BMP6: variants seen among roughly 807,000 people sequenced by gnomAD.
The protein encoded by BMP6 is bone morphogenetic protein 6.
A neutral mutation model predicts 54.1 loss-of-function variants in BMP6; 17 were observed. The observed-to-expected ratio is 0.31, with a 90% CI of 0.22 to 0.47. The LOEUF (loss-of-function observed/expected upper bound fraction) is 0.47. Among genes scored for constraint, BMP6 ranks in the 20% least tolerant of loss-of-function variants. BMP6 has a pLI of 1.00. For missense variants in BMP6, 720 were observed against 690.4 expected, an observed-to-expected ratio of 1.04 and a Z score of -0.48; for synonymous variants, 328 against 291.2, an observed-to-expected ratio of 1.13 and a Z score of -1.28.
intron 1 of BMP6, among the ~76,000 whole-genome samples, chr6:7,753,611 G>A (rs1757458997): frequency 6.6e-6 from 1 of 152,150 alleles, no homozygotes; most frequent in Non-Finnish European, 1.5e-5. Flanking sequence ...GGGGAGGTAA[G>A]GTAAAGGAGA....
chr6:7,854,343 TA>T (rs1469276165), intron 2 of BMP6, among the ~76,000 whole-genome samples: 3 of 151,172 alleles, frequency 2.0e-5, no homozygotes, highest in African/African-American at 7.3e-5. Flanking sequence ...AAACTAAAAA[TA>T]AAAAACTTTT....
chr6:7,853,990 A>G (rs776250110), intron 2 of BMP6, among the ~76,000 whole-genome samples: 41 of 152,192 alleles, frequency 2.7e-4, no homozygotes, highest in Non-Finnish European at 2.8e-4. Flanking sequence ...CACAGGGTAG[A>G]AGAGAATGTT....
At chr6:7,812,010 T>C (rs1581258135) in intron 1 of BMP6, among the ~76,000 whole-genome samples, 1 of 152,188 alleles carries the variant, frequency 6.6e-6, no homozygotes, top group Non-Finnish European at 1.5e-5. Flanking sequence ...CATAGGCAGG[T>C]GTTCAAATGG....
chr6:7,728,817 C>A (rs765915496), intron 1 of BMP6, among the ~76,000 whole-genome samples: 14 of 152,176 alleles, frequency 9.2e-5, no homozygotes, highest in Non-Finnish European at 2.1e-4. Flanking sequence ...CACGGGTCTC[C>A]CAGCCACGTC....
At chr6:7,866,654 G>T (rs1759428897) in intron 4 of BMP6, among the ~76,000 whole-genome samples, 2 of 152,240 alleles carry the variant, frequency 1.3e-5, no homozygotes, top group African/African-American at 4.8e-5. Flanking sequence ...TGCTGCTGCT[G>T]TGAGGCAGAA....
chr6:7,762,176 C>T (rs777598439), intron 1 of BMP6, among the ~76,000 whole-genome samples: 2 of 152,182 alleles, frequency 1.3e-5, no homozygotes, highest in Non-Finnish European at 2.9e-5. Context: ...CCTACCTCAG[C>T]CTCCCAAAGT....
At chr6:7,741,933 C>T (rs143106217) in intron 1 of BMP6, among the ~76,000 whole-genome samples, 1 of 152,246 alleles carries the variant, frequency 6.6e-6, no homozygotes, top group Non-Finnish European at 1.5e-5. Context: ...CCTCCTCCCC[C>T]CAAGTGCCTA....
intron 1 of BMP6, among the ~76,000 whole-genome samples, chr6:7,822,440 C>T (rs1310668385): frequency 6.6e-6 from 1 of 152,174 alleles, no homozygotes; most frequent in East Asian, 1.9e-4. Flanking sequence ...CCCTGAAAAT[C>T]TTCTTTCCCC....
chr6:7,742,059 C>A (rs994439913), intron 1 of BMP6, among the ~76,000 whole-genome samples: 2 of 152,158 alleles, frequency 1.3e-5, no homozygotes, highest in Non-Finnish European at 2.9e-5. Flanking sequence ...CAAATAACAT[C>A]AAGCATTTGA....
At chr6:7,749,272 G>A (rs1486506060) in intron 1 of BMP6, among the ~76,000 whole-genome samples, 1 of 152,134 alleles carries the variant, frequency 6.6e-6, no homozygotes, top group Admixed American at 6.5e-5. Flanking sequence ...TTTATCTTAT[G>A]AATATTGAGA....
chr6:7,803,691 C>T (rs1346037363), intron 1 of BMP6, among the ~76,000 whole-genome samples: 2 of 152,126 alleles, frequency 1.3e-5, no homozygotes, highest in East Asian at 3.8e-4. Context: ...TCTCTGCCAG[C>T]CCTTTGTAAC....
At chr6:7,831,603 T>A (rs1758795020) in intron 1 of BMP6, among the ~76,000 whole-genome samples, 1 of 152,184 alleles carries the variant, frequency 6.6e-6, no homozygotes, top group Admixed American at 6.5e-5. Flanking sequence ...ATTGAAGTAA[T>A]TTGAGTAGAT....
At chr6:7,840,552 A>G (rs986232453) in intron 1 of BMP6, among the ~76,000 whole-genome samples, 1 of 152,150 alleles carries the variant, frequency 6.6e-6, no homozygotes, top group Admixed American at 6.5e-5. Flanking sequence ...GACAGGTGAG[A>G]AATTTCCACT....
At chr6:7,798,330 C>G (rs1158659388) in intron 1 of BMP6, among the ~76,000 whole-genome samples, 2 of 152,172 alleles carry the variant, frequency 1.3e-5, no homozygotes, top group African/African-American at 4.8e-5. Flanking sequence ...CAGCGGGGAC[C>G]ACAGGGATGG....
At chr6:7,820,134 G>A (rs1270008718) in intron 1 of BMP6, among the ~76,000 whole-genome samples, 2 of 152,174 alleles carry the variant, frequency 1.3e-5, no homozygotes, top group East Asian at 3.8e-4. Flanking sequence ...CCATCATCCA[G>A]CTAACTACAA....
chr6:7,811,010 T>C (rs1352497556), intron 1 of BMP6, among the ~76,000 whole-genome samples: 1 of 152,184 alleles, frequency 6.6e-6, no homozygotes, highest in East Asian at 1.9e-4. Context: ...TAGGGCCTGA[T>C]AGGTACCCCC....
At chr6:7,727,678 C>A in intron 1 of BMP6, 59 bp downstream of exon 1, 1 of 1,442,932 alleles carries the variant, frequency 6.9e-7, no homozygotes, top group East Asian at 2.6e-5. Flanking sequence ...TGTCCCGGGC[C>A]CAGGGGATGG....
At chr6:7,782,198 C>G (rs1263222594) in intron 1 of BMP6, among the ~76,000 whole-genome samples, 2 of 143,262 alleles carry the variant, frequency 1.4e-5, no homozygotes, top group African/African-American at 4.9e-5. Context: ...GCTTGCCAAC[C>G]TGGAAGGGAG....
intron 2 of BMP6, among the ~76,000 whole-genome samples, chr6:7,849,557 C>G (rs189198796): frequency 6.6e-6 from 1 of 152,124 alleles, no homozygotes; most frequent in Admixed American, 6.5e-5. Context: ...CACTCATGAT[C>G]TTTGTTCTGT....
Sources: allele counts gnomAD v4.1 joint callset (sites outside exome capture counted in the v4.1 genomes callset), GRCh38; gene constraint gnomAD v4.1.1; transcripts MANE v1.5; gene names NCBI Gene and HGNC (gene_info 2026-07-23, HGNC 2026-07-21).